The following ZMIZ1 variants were observed in gnomAD, a reference collection of about 807,000 sequenced individuals.
ZMIZ1 encodes zinc finger MIZ-type containing 1.
Under a neutral mutation model 113.9 loss-of-function variants are expected in ZMIZ1, and 17 were observed. The observed-to-expected ratio is 0.15, with a 90% CI of 0.10 to 0.22. ZMIZ1 has a LOEUF of 0.22. ZMIZ1 is among the 10% of genes least tolerant of loss of function. The probability of loss-of-function intolerance (pLI) is 1.00; values close to 1 mark genes in which losing one functional copy is unlikely to be tolerated. For synonymous variants in ZMIZ1, 607 were observed against 603.1 expected, an observed-to-expected ratio of 1.01 and a Z score of -0.09; for missense variants, 1,059 against 1,477.8, an observed-to-expected ratio of 0.72 and a Z score of 4.65.
chr10:79,274,808 A>C (rs980248949), intron 7 of ZMIZ1, among the ~76,000 whole-genome samples: 4 of 152,180 alleles, frequency 2.6e-5, no homozygotes, highest in African/African-American at 9.7e-5. Context: ...TATTCCCTTT[A>C]TGGAAACCAC....
intron 3 of ZMIZ1, among the ~76,000 whole-genome samples, chr10:79,151,795 G>T (rs1167816512): frequency 6.6e-6 from 1 of 152,222 alleles, no homozygotes; most frequent in Non-Finnish European, 1.5e-5. Context: ...AATGGGAGTG[G>T]ACTCTGGAGG....
intron 23 of ZMIZ1, among the ~76,000 whole-genome samples, chr10:79,308,639 T>TC (rs1316991662): frequency 6.6e-6 from 1 of 151,946 alleles, no homozygotes; most frequent in African/African-American, 2.4e-5. Flanking sequence ...ACCCCAGGAG[T>TC]CCAAGTCGGA....
intron 4 of ZMIZ1, among the ~76,000 whole-genome samples, chr10:79,188,410 G>A (rs1029976543): frequency 1.3e-5 from 2 of 152,206 alleles, no homozygotes; most frequent in Non-Finnish European, 2.9e-5. Context: ...CAGTCTTGCT[G>A]GGGGAGGGAG....
chr10:79,208,564 G>C, intron 6 of ZMIZ1, 115 bp downstream of exon 6: 2 of 850,802 alleles, frequency 2.4e-6, no homozygotes, highest in South Asian at 1.7e-5. Flanking sequence ...ACCAGTGAGA[G>C]AGCTGGGAAG....
intron 12 of ZMIZ1, chr10:79,295,958 G>C (rs73304187): frequency 0.13 from 19,697 of 153,366 alleles, 1,941 homozygotes; most frequent in African/African-American, 0.28. Flanking sequence ...GCAGGTTGTC[G>C]ATGGCCCAGA....
chr10:79,254,749 G>T (rs989269087), intron 7 of ZMIZ1, among the ~76,000 whole-genome samples: 1 of 152,178 alleles, frequency 6.6e-6, no homozygotes, highest in African/African-American at 2.4e-5. Flanking sequence ...ACAGGTGGGC[G>T]GGGGCGTTGG....
intron 2 of ZMIZ1, among the ~76,000 whole-genome samples, chr10:79,133,904 T>TTC (rs1844880221): frequency 6.6e-6 from 1 of 152,270 alleles, no homozygotes; most frequent in African/African-American, 2.4e-5. Flanking sequence ...AGCTGCCTAA[T>TTC]TACCATTCAT....
chr10:79,078,894 C>T (rs7920460), intron 1 of ZMIZ1, among the ~76,000 whole-genome samples: 21,184 of 151,764 alleles, frequency 0.14, 1,753 homozygotes, highest in East Asian at 0.31. Context: ...GACCAATAGA[C>T]CATTTTGGGA....
chr10:79,278,666 T>A (rs921051265), intron 8 of ZMIZ1, among the ~76,000 whole-genome samples: 3 of 151,844 alleles, frequency 2.0e-5, no homozygotes, highest in Admixed American at 2.0e-4. Context: ...CCTTCAAGCA[T>A]CTGTTTAACA....
rs1328658711 is a variant in ZMIZ1 at position 79,304,037 on chromosome 10, G to A, written c.2148G>A (p.Val716=). 1 of 1,614,056 alleles carries A rather than the reference G, an allele frequency of 6.2e-7. No individual in the cohort carries two copies. Among genetic ancestry groups the A allele is most frequent in the African/African-American group, 1.3e-5 (1 of 74,952 alleles). Residue 716 remains valine, a synonymous_variant, in exon 19 of 25, where the codon GTG becomes GTA. Transcript: ENST00000334512. ...CAGTCAAGCGGAATTTCAGCAGCGT[G>A]GCTGCCTCCTCGGGCAACACGACCC... ...ITKIKRNFSS[V]AASSGNTTLN...
intron 4 of ZMIZ1, among the ~76,000 whole-genome samples, chr10:79,198,916 C>G (rs539852736): frequency 1.2e-4 from 19 of 152,158 alleles, no homozygotes; most frequent in African/African-American, 4.3e-4. Context: ...CGCCTGTAAT[C>G]CCAGCTACTT....
At position 79,297,613 on chromosome 10, in the gene ZMIZ1, C is replaced by G. The variant is rs1172418360; in HGVS notation, c.1414C>G (p.Pro472Ala). The G allele has an allele frequency of 1.2e-6, 2 of 1,613,806 alleles. No individual in the cohort carries two copies. The highest frequency in any genetic ancestry group is 1.3e-5 in the African/African-American group (1 of 74,916). The change falls in exon 14 of 25, where the codon CCA (proline) becomes GCA (alanine). Residue 472 changes from proline (P) to alanine (A), a missense_variant and splice_region_variant. Physicochemically the swap from Pro to Ala is conservative, Grantham distance 27. This residue lies in a region of ZMIZ1 where 239 missense variants were observed against 247.5 expected (regional missense o/e 0.97). Transcript: ENST00000334512. The part of the protein sequence containing the change: ...PTVNMGQYYK[P>A]EQFNGQNNTF... ...AGTGTTGTTTATCTTGTTTTAATAG[C>G]CAGAACAGTTTAATGGACAAAATAA... is the stretch of plus-strand genomic sequence containing the variant.
intron 2 of ZMIZ1, among the ~76,000 whole-genome samples, chr10:79,133,398 G>C (rs770964865): frequency 6.6e-6 from 1 of 152,168 alleles, no homozygotes; most frequent in Admixed American, 6.5e-5. Context: ...CCGGAGTTCC[G>C]GGAGGAAAGG....
intron 2 of ZMIZ1, among the ~76,000 whole-genome samples, chr10:79,136,446 C>T (rs1845010212): frequency 6.6e-6 from 1 of 152,210 alleles, no homozygotes; most frequent in African/African-American, 2.4e-5. Context: ...GTGCTGGGTG[C>T]TCAGTGCATC....
intron 24 of ZMIZ1, among the ~76,000 whole-genome samples, chr10:79,311,822 G>A (rs1855189754): frequency 6.6e-6 from 1 of 152,104 alleles, no homozygotes; most frequent in Admixed American, 6.5e-5. Context: ...GCTGCTGGAT[G>A]GGGCTGGCGG....
At chr10:79,159,531 C>A (rs1349003829) in intron 3 of ZMIZ1, among the ~76,000 whole-genome samples, 1 of 152,224 alleles carries the variant, frequency 6.6e-6, no homozygotes, top group Non-Finnish European at 1.5e-5. Flanking sequence ...TTACTCACAT[C>A]CCGGCTGTGT....
intron 5 of ZMIZ1, among the ~76,000 whole-genome samples, 176 bp from the exon 6 acceptor site, chr10:79,208,160 G>A (rs947155567): frequency 1.3e-5 from 2 of 148,730 alleles, no homozygotes; most frequent in East Asian, 2.0e-4. Flanking sequence ...CAGGCATGCC[G>A]AGCACAGGGT....
rs780920951 is a variant in ZMIZ1 at position 79,216,271 on chromosome 10, G to T, written c.277G>T (p.Ala93Ser). 2 of 1,588,900 alleles carry T rather than the reference G, an allele frequency of 1.3e-6. No individual in the cohort carries two copies. Among genetic ancestry groups the T allele is most frequent in the South Asian group, 1.1e-5 (1 of 87,804 alleles). Residue 93 changes from alanine to serine, a missense_variant, in exon 7 of 25, where the codon GCC becomes TCC. Around this residue, in one of 6 missense-constraint regions of ZMIZ1, gnomAD observed 272 missense variants for 350.4 expected, o/e 0.78. Coordinates refer to ENST00000334512, the MANE Select transcript of ZMIZ1 (RefSeq NM_020338.4). ...ANRDKFTPKS[A>S]ALLSSWCEEL... ...CCGAGACAAGTTCACCCCGAAGTCT[G>T]CCGGTAGGTGTCCGTGGGGGACTCT...
intron 1 of ZMIZ1, among the ~76,000 whole-genome samples, chr10:79,082,020 T>C (rs55722978): frequency 0.13 from 19,856 of 152,268 alleles, 1,425 homozygotes; most frequent in East Asian, 0.2. Flanking sequence ...ATCCAGGTGT[T>C]CCCACCATCT....
Sources: allele counts gnomAD v4.1 joint callset (sites outside exome capture counted in the v4.1 genomes callset), GRCh38; gene constraint gnomAD v4.1.1; regional missense constraint gnomAD v4.1.1; transcripts MANE v1.5; gene names NCBI Gene and HGNC (gene_info 2026-07-23, HGNC 2026-07-21).